Variants in GRAMD1A observed in about 807,000 individuals in gnomAD.
GRAMD1A encodes the protein protein Aster-A.
In GRAMD1A, 50 loss-of-function variants were observed where a neutral mutation model predicts 92.0. The observed-to-expected ratio is 0.54, with a 90% CI of 0.43 to 0.69. The LOEUF (loss-of-function observed/expected upper bound fraction) is 0.69. GRAMD1A is among the 30% of genes least tolerant of loss of function. The pLI, the probability that GRAMD1A is intolerant of heterozygous loss-of-function variation, is 0.00. For synonymous variants in GRAMD1A, 405 were observed against 403.6 expected (o/e 1.00, Z -0.04); for missense variants, 819 against 978.9 (o/e 0.84, Z 2.18).
Position 35,000,659 on chromosome 19 carries a change from G to A in GRAMD1A, c.8+173G>A, listed in dbSNP as rs927256816. 2.0e-5 allele frequency among the ~76,000 whole-genome samples: 3 copies of A among 151,708 alleles called. No individual in the cohort carries two copies. Among genetic ancestry groups the A allele is most frequent in the African/African-American group, 7.3e-5 (3 of 41,288 alleles). On this transcript the variant is annotated intron_variant, in intron 1 of 19. Coordinates refer to ENST00000317991, the MANE Select transcript of GRAMD1A (RefSeq NM_020895.5). The surrounding 1 kb of genome is among the most constrained non-coding windows in gnomAD (Gnocchi z 4.9). ...TGGGGGCGGGGCAGGGGGCCCCCGG[G>A]CGAGGGGTGCAGCTGGGGAGTGGGG...
chr19:34,997,266 G>A (rs978219164), upstream of GRAMD1A, among the ~76,000 whole-genome samples: 5 of 151,884 alleles, frequency 3.3e-5, no homozygotes, highest in African/African-American at 7.3e-5. Flanking sequence ...AACACCATGC[G>A]TGAGGCCTAA....
rs765579990 is a variant in GRAMD1A, at chr19:35,010,112, C to T, written c.346C>T (p.Arg116Cys). 1.1e-5 allele frequency: 18 copies of T among 1,610,628 alleles called. No homozygotes were observed. Among genetic ancestry groups the T allele is most frequent in the Non-Finnish European group, 1.4e-5 (17 of 1,176,926 alleles). The change falls in exon 5 of 20, where the codon CGT becomes TGT. Residue 116 changes from arginine (R) to cysteine (C), a missense_variant. Around this residue, in one of 3 missense-constraint regions of GRAMD1A, gnomAD observed 144 missense variants for 220.3 expected, o/e 0.65. Transcript: ENST00000317991. Reference protein sequence around the residue: ...LIVDYSCALQREILLQGRLYL... With the variant: ...LIVDYSCALQCEILLQGRLYL... ...CTCAGATTACTCCTGCGCCCTGCAG[C>T]GTGAGATCCTGCTCCAGGGCCGCCT...
chr19:35,026,179 A>G lies in GRAMD1A; in HGVS notation c.*38A>G, dbSNP rs747432556. On this transcript the variant is annotated 3_prime_UTR_variant, in exon 20 of 20. Transcript: ENST00000317991. ...CGCAGCTGTTCCCCCACATGGACAG[A>G]TGGACACACAGAGCCTCGGCGGCCA... 4.8e-6 allele frequency: 5 copies of G among 1,042,612 alleles called. No individual in the cohort carries two copies. The highest frequency in any genetic ancestry group is 7.6e-6 in the Non-Finnish European group (5 of 661,076). 64.6% of individuals were successfully genotyped at this position (1,042,612 alleles called of 1,614,324 possible).
rs527327622 is a variant in GRAMD1A, at chr19:35,024,643, C to T, written c.2082+1096C>T. On this transcript the variant is annotated intron_variant, in intron 19 of 19. Transcript: ENST00000317991. ...TTGGACCCTTCCATATCAGAAGGCT[C>T]ATCTTTAGGGGTCTCATTGCCCCCC... is the stretch of plus-strand genomic sequence containing the variant. Among the ~76,000 whole-genome samples, 5 of 151,052 alleles carry T rather than the reference C, an allele frequency of 3.3e-5. No homozygotes were observed. The East Asian group carries it at 7.8e-4, about 24-fold the overall frequency.
Position 35,010,286 on chromosome 19 carries a change from C to T in GRAMD1A, c.432C>T (p.Ile144=). ...YSNIFRWETT[I]SIQLKEVTCL... ...ATTGACCCTCCTGCTGTCCTCAGATCTCCATCCAGCTGAAGGAAGTGACAT... is the reference window on the plus strand; with the variant it reads ...ATTGACCCTCCTGCTGTCCTCAGATTTCCATCCAGCTGAAGGAAGTGACAT... The change falls in exon 6 of 20, where the codon ATC becomes ATT. Residue 144 remains isoleucine, a splice_region_variant and synonymous_variant. Transcript: ENST00000317991. The T allele has an allele frequency of 6.2e-7, 1 of 1,612,372 alleles. No individual in the cohort carries two copies. The highest frequency in any genetic ancestry group is 8.5e-7 in the Non-Finnish European group (1 of 1,178,330).
rs754397047 is a variant in GRAMD1A at position 35,010,024 on chromosome 19, G to A, written c.325+52G>A. 15 of 1,531,062 alleles carry A rather than the reference G, an allele frequency of 9.8e-6. No homozygotes were observed. In the African/African-American group the frequency reaches 1.1e-4, roughly 11 times the overall value. 94.8% of individuals were successfully genotyped at this position (1,531,062 alleles called of 1,614,324 possible). ...TCCTAGCCCAGCCCTGTGACTCTCC[G>A]CCAGCCCGCGGGCGCCGGCTGAGCC... On this transcript the variant is annotated intron_variant, in intron 4 of 19. Transcript: ENST00000317991.
chr19:35,008,570 C>T (rs568852279), intron 1 of GRAMD1A, among the ~76,000 whole-genome samples: 3 of 152,068 alleles, frequency 2.0e-5, no homozygotes, highest in East Asian at 1.9e-4. Flanking sequence ...ACCTGTAATC[C>T]CAGCACTTGG....
intron 11 of GRAMD1A, among the ~76,000 whole-genome samples, chr19:35,018,476 C>T (rs1216812617): frequency 3.9e-5 from 6 of 152,180 alleles, no homozygotes; most frequent in Admixed American, 2.6e-4. Context: ...GCCCTACCTC[C>T]GGCATTGGGG....
At chr19:35,000,037 G>T, upstream of GRAMD1A, 1 of 985,130 alleles carries the variant, frequency 1.0e-6, no homozygotes, top group East Asian at 1.1e-4. This position sits in a 1 kb window ranked among gnomAD's most constrained non-coding sequence, Gnocchi z 4.9. Flanking sequence ...TAGTTGCTAG[G>T]GACCCTTTTC....
Position 35,009,111 on chromosome 19 carries a change from GC to G in GRAMD1A, c.9-3del. On this transcript the variant is annotated splice_region_variant and splice_polypyrimidine_tract_variant and intron_variant, in intron 1 of 19. Coordinates refer to ENST00000317991, the MANE Select transcript of GRAMD1A (RefSeq NM_020895.5). ...AGTTAACACTTCTCTTCCTCTTCCT[GC>G]CCCCAGCACCACACCCCACTCTGGC... 1.9e-6 allele frequency: 3 copies of G among 1,597,646 alleles called. No homozygotes were observed. Among genetic ancestry groups the G allele is most frequent in the Non-Finnish European group, 2.6e-6 (3 of 1,165,598 alleles).
chr19:35,010,033 C>A lies in GRAMD1A; in HGVS notation c.326-59C>A, dbSNP rs73038366. ...AGCCCTGTGACTCTCCGCCAGCCCG[C>A]GGGCGCCGGCTGAGCCTCGTGACTT... is the stretch of plus-strand genomic sequence containing the variant. On this transcript the variant is annotated intron_variant, in intron 4 of 19. Transcript: ENST00000317991. 7.4e-3 allele frequency: 11,391 copies of A among 1,530,282 alleles called. 71 individuals carry two copies. Among genetic ancestry groups the A allele is most frequent in the Non-Finnish European group, 9.0e-3 (9,914 of 1,103,524 alleles). The allele number at this position is 1,530,282 out of a possible 1,614,324, so 94.8% of individuals were successfully genotyped here.
chr19:35,022,175 A>C lies in GRAMD1A; in HGVS notation c.1841+137A>C, dbSNP rs898981852. The stretch of plus-strand genomic sequence containing the variant: ...GTTTGCTCACAGCAAGGATTAGACA[A>C]GGCAATGTTTGGGATGTGCCGGTTT... On this transcript the variant is annotated intron_variant, in intron 16 of 19. Transcript: ENST00000317991. The C allele has an allele frequency of 4.3e-5, 27 of 628,664 alleles. No individual in the cohort carries two copies. In the Admixed American group the frequency reaches 8.1e-4, roughly 19 times the overall value. 38.9% of individuals were successfully genotyped at this position (628,664 alleles called of 1,614,324 possible). A position where few individuals can be genotyped will look rare whatever the true frequency, so the allele number is the denominator to read the frequency against.
chr19:35,017,283 T>C (rs1311708981), intron 11 of GRAMD1A, among the ~76,000 whole-genome samples: 2 of 152,122 alleles, frequency 1.3e-5, no homozygotes, highest in Admixed American at 6.5e-5. Context: ...TCTTTATAAG[T>C]TACTGAGCCT....
intron 16 of GRAMD1A, 106 bp from the exon 17 acceptor site, chr19:35,022,794 G>T: frequency 8.9e-7 from 1 of 1,126,802 alleles, no homozygotes; most frequent in South Asian, 1.5e-5. Flanking sequence ...GTGAGGGGGC[G>T]TGGTGCTCTC....
intron 1 of GRAMD1A, among the ~76,000 whole-genome samples, chr19:35,001,476 C>T (rs950081088): frequency 2.6e-5 from 4 of 152,130 alleles, no homozygotes; most frequent in East Asian, 1.9e-4. Flanking sequence ...TAGCTCCAAG[C>T]GTTGCTGTAA....
At chr19:35,004,462 CTG>C (rs1190016205) in intron 1 of GRAMD1A, among the ~76,000 whole-genome samples, 1 of 152,150 alleles carries the variant, frequency 6.6e-6, no homozygotes, top group Non-Finnish European at 1.5e-5. Context: ...CTGCTGCTCT[CTG>C]GGGCTCATAC....
chr19:34,999,890 A>C (rs981090460), upstream of GRAMD1A: 6 of 320,388 alleles, frequency 1.9e-5, no homozygotes, highest in Non-Finnish European at 2.3e-5. Flanking sequence ...AACCGGCCCC[A>C]CCCCTTCCCG....
intron 19 of GRAMD1A, 179 bp downstream of exon 19, chr19:35,023,726 T>C: frequency 1.6e-6 from 1 of 623,186 alleles, no homozygotes; most frequent in Non-Finnish European, 2.7e-6. Context: ...GAAGCATGGA[T>C]GGAAGACAGA....
At position 35,013,663 on chromosome 19, in the gene GRAMD1A, C is replaced by A. The variant is rs1278342331; in HGVS notation, c.842C>A (p.Ser281Tyr). 2.5e-5 allele frequency: 40 copies of A among 1,612,498 alleles called. No homozygotes were observed. The highest frequency in any genetic ancestry group is 3.2e-5 in the Non-Finnish European group (38 of 1,179,362). ...SRRGHVTPNL[S>Y]RASSDADHGA... ...CGTGGCCATGTCACGCCCAACCTTT[C>A]CCGAGCCAGCAGCGACGCAGACCAT... is the stretch of plus-strand genomic sequence containing the variant. Residue 281 changes from serine to tyrosine, a missense_variant, in exon 9 of 20, where the codon TCC becomes TAC. Ser to Tyr is a moderately radical substitution (Grantham distance 144). Around this residue, in one of 3 missense-constraint regions of GRAMD1A, gnomAD observed 577 missense variants for 674.6 expected, o/e 0.86. Transcript: ENST00000317991. The surrounding 1 kb of genome is among the most constrained non-coding windows in gnomAD (Gnocchi z 4.9).
Sources: allele counts gnomAD v4.1 joint callset (sites outside exome capture counted in the v4.1 genomes callset), GRCh38; gene constraint gnomAD v4.1.1; regional missense constraint gnomAD v4.1.1; non-coding constraint Gnocchi (gnomAD v3.1); transcripts MANE v1.5; gene names NCBI Gene and HGNC (gene_info 2026-07-23, HGNC 2026-07-21).